The following IL1RAPL2 variants were observed in gnomAD, a reference collection of about 807,000 sequenced individuals.
IL1RAPL2 encodes the protein X-linked interleukin-1 receptor accessory protein-like 2.
IL1RAPL2 carries 3 observed loss-of-function variants against 44.1 expected under a neutral mutation model. That is an observed-to-expected ratio of 0.07 (90% CI 0.03 to 0.18). IL1RAPL2 has a LOEUF of 0.18. Among genes scored for constraint, IL1RAPL2 ranks in the 10% least tolerant of loss-of-function variants. The pLI is 1.00. For synonymous variants in IL1RAPL2, 181 were observed against 178.8 expected, an observed-to-expected ratio of 1.01 and a Z score of -0.10; for missense variants, 391 against 496.4, an observed-to-expected ratio of 0.79 and a Z score of 2.02.
intron 3 of IL1RAPL2, among the ~76,000 whole-genome samples, chrX:105,221,706 G>A (rs2033966192): frequency 8.9e-6 from 1 of 111,925 alleles, no homozygotes; most frequent in South Asian, 3.7e-4. Context: ...AAGTTAGTTT[G>A]CGGTTTGTTA....
At chrX:105,441,106 A>G (rs901550243) in intron 5 of IL1RAPL2, among the ~76,000 whole-genome samples, 2 of 112,046 alleles carry the variant, frequency 1.8e-5, no homozygotes, top group Middle Eastern at 4.6e-3. Context: ...AATGTTTATT[A>G]TTAATAACAT....
chrX:105,034,437 C>G (rs184209244), intron 2 of IL1RAPL2, among the ~76,000 whole-genome samples: 4 of 112,356 alleles, frequency 3.6e-5, no homozygotes, highest in African/African-American at 1.3e-4. Flanking sequence ...AGTTTTCCTT[C>G]TTACAGACAG....
intron 2 of IL1RAPL2, among the ~76,000 whole-genome samples, chrX:105,069,461 C>T (rs1404131213): frequency 8.9e-6 from 1 of 112,062 alleles, no homozygotes; most frequent in Non-Finnish European, 1.9e-5. Context: ...AGTTTTATAA[C>T]ACAGTTTTAG....
At chrX:104,582,906 G>A (rs1406969017) in intron 1 of IL1RAPL2, among the ~76,000 whole-genome samples, 1 of 70,225 alleles carries the variant, frequency 1.4e-5, no homozygotes, top group Non-Finnish European at 2.6e-5. Context: ...TTCTTATTGA[G>A]ATGATGGAGT....
At chrX:105,563,330 C>T (rs1000152536) in intron 6 of IL1RAPL2, among the ~76,000 whole-genome samples, 2 of 111,150 alleles carry the variant, frequency 1.8e-5, no homozygotes, top group African/African-American at 6.5e-5. Flanking sequence ...GCATCAAATC[C>T]CATCCTTGTA....
intron 1 of IL1RAPL2, among the ~76,000 whole-genome samples, chrX:104,617,256 C>T (rs1929297897): frequency 8.9e-6 from 1 of 111,815 alleles, no homozygotes; most frequent in African/African-American, 3.3e-5. Context: ...TGATGGGGTT[C>T]CCTTTGCAAG....
In IL1RAPL2 at chrX:105,038,312, T is replaced by C. The variant is rs1480030055; in HGVS notation, c.83-157163T>C. On this transcript the variant is annotated intron_variant, in intron 2 of 10. Transcript: ENST00000372582. ...CAGTAGCATCTGATCCTGTTAACCA[T>C]GTCTTCTTGTACCACCATTTCTGCT... Among the ~76,000 whole-genome samples, 8 of 112,140 alleles carry C rather than the reference T, an allele frequency of 7.1e-5. No individual in the cohort carries two copies. In the South Asian group the frequency reaches 1.5e-3, roughly 21 times the overall value.
chrX:104,627,195 A>G (rs1056916443), intron 1 of IL1RAPL2, among the ~76,000 whole-genome samples: 3 of 109,034 alleles, frequency 2.8e-5, no homozygotes, highest in Admixed American at 2.0e-4. Context: ...TCTCTTTAAA[A>G]CATCAATCTC....
intron 5 of IL1RAPL2, among the ~76,000 whole-genome samples, chrX:105,348,671 G>C (rs1234622448): frequency 9.0e-6 from 1 of 111,587 alleles, no homozygotes; most frequent in Non-Finnish European, 1.9e-5. Context: ...TGTATTGCCA[G>C]GGAGGAAAGG....
At chrX:104,906,571 T>G (rs1460917009) in intron 2 of IL1RAPL2, among the ~76,000 whole-genome samples, 1 of 111,879 alleles carries the variant, frequency 8.9e-6, no homozygotes, top group Non-Finnish European at 1.9e-5. Context: ...AATCATGTGG[T>G]TTTTGTCTTT....
chrX:105,510,556 G>GAGTA (rs1388102718), intron 6 of IL1RAPL2, among the ~76,000 whole-genome samples: 2 of 111,895 alleles, frequency 1.8e-5, no homozygotes, highest in East Asian at 5.7e-4. Context: ...TGGAACCTGT[G>GAGTA]AGTATATCAC....
At chrX:105,018,027 C>G (rs780345602) in intron 2 of IL1RAPL2, among the ~76,000 whole-genome samples, 1 of 111,536 alleles carries the variant, frequency 9.0e-6, no homozygotes, top group Admixed American at 9.5e-5. Flanking sequence ...CCCCCCACTA[C>G]GTGTGCCTGG....
Position 105,643,830 on chromosome X carries a change from T to C in IL1RAPL2, c.773-73537T>C, listed in dbSNP as rs778623518. 1.1e-4 allele frequency among the ~76,000 whole-genome samples: 12 copies of C among 112,377 alleles called. No homozygotes were observed. The East Asian group carries it at 1.7e-3, about 16-fold the overall frequency. The stretch of plus-strand genomic sequence containing the variant: ...ACTTTCTGATGATGACTTGTCTGTC[T>C]CATATTGACATTGTTGTCTTATGGT... On this transcript the variant is annotated intron_variant, in intron 6 of 10. Coordinates refer to ENST00000372582, the MANE Select transcript of IL1RAPL2 (RefSeq NM_017416.2).
At chrX:104,692,625 G>A (rs1479257033) in intron 2 of IL1RAPL2, among the ~76,000 whole-genome samples, 1 of 110,060 alleles carries the variant, frequency 9.1e-6, no homozygotes, top group East Asian at 2.9e-4. Context: ...ATAGTTTGCT[G>A]AGAATGATGG....
At chrX:105,464,619 C>A (rs2036115555) in intron 5 of IL1RAPL2, among the ~76,000 whole-genome samples, 1 of 111,725 alleles carries the variant, frequency 9.0e-6, no homozygotes, top group South Asian at 3.7e-4. Context: ...TAATTATTAA[C>A]CCCAAAATCC....
At chrX:104,877,934 A>G (rs1473325968) in intron 2 of IL1RAPL2, among the ~76,000 whole-genome samples, 2 of 112,271 alleles carry the variant, frequency 1.8e-5, no homozygotes, top group East Asian at 5.6e-4. Context: ...GTAAAAATCT[A>G]AGCCTCCACA....
At chrX:105,450,100 G>A (rs1005342598) in intron 5 of IL1RAPL2, among the ~76,000 whole-genome samples, 5 of 112,059 alleles carry the variant, frequency 4.5e-5, no homozygotes, top group African/African-American at 1.6e-4. Context: ...TGGGATGGGC[G>A]ATTCCCCTCT....
chrX:104,867,793 A>G (rs1383789922), intron 2 of IL1RAPL2, among the ~76,000 whole-genome samples: 14 of 112,277 alleles, frequency 1.2e-4, no homozygotes, highest in Admixed American at 5.6e-4. Context: ...AAAACCAGGT[A>G]GAAGATTATT....
chrX:105,031,552 A>T (rs2031496411), intron 2 of IL1RAPL2, among the ~76,000 whole-genome samples: 2 of 111,687 alleles, frequency 1.8e-5, no homozygotes, highest in Admixed American at 9.5e-5. Context: ...ACATTTATTG[A>T]TTTGTGTATG....
Sources: allele counts gnomAD v4.1 joint callset (sites outside exome capture counted in the v4.1 genomes callset), GRCh38; gene constraint gnomAD v4.1.1; transcripts MANE v1.5; gene names NCBI Gene and HGNC (gene_info 2026-07-23, HGNC 2026-07-21).